ZBTB8B: variants seen among roughly 807,000 people sequenced by gnomAD.
The protein encoded by ZBTB8B is zinc finger and BTB domain-containing protein 8B.
In ZBTB8B, 17 loss-of-function variants were observed where a neutral mutation model predicts 30.3. That is an observed-to-expected ratio of 0.56 (90% confidence interval 0.38 to 0.84). ZBTB8B has a LOEUF of 0.84. Among genes scored for constraint, ZBTB8B ranks in the 40% least tolerant of loss-of-function variants. The probability of loss-of-function intolerance (pLI) is 0.00; values close to 1 mark genes in which losing one functional copy is unlikely to be tolerated. For missense variants in ZBTB8B, 515 were observed against 644.9 expected, an observed-to-expected ratio of 0.80 and a Z score of 2.18; for synonymous variants, 248 against 255.6, an observed-to-expected ratio of 0.97 and a Z score of 0.28.
chr1:32,466,744 C>T (rs549356025), intron 1 of ZBTB8B, among the ~76,000 whole-genome samples: 1 of 152,200 alleles, frequency 6.6e-6, no homozygotes, highest in South Asian at 2.1e-4. Context: ...GGAAAGGAGG[C>T]TTTTCCAGTG....
At chr1:32,483,773 T>G (rs896471751) in intron 3 of ZBTB8B, among the ~76,000 whole-genome samples, 1 of 151,024 alleles carries the variant, frequency 6.6e-6, no homozygotes, top group East Asian at 2.0e-4. Flanking sequence ...ATGTCAAAAA[T>G]CCTAATGAGA....
chr1:32,482,669 C>CAAA (rs1050028688), intron 3 of ZBTB8B, among the ~76,000 whole-genome samples: 49 of 40,052 alleles, frequency 1.2e-3, no homozygotes, highest in East Asian at 2.1e-3. Flanking sequence ...GACTCCGTGT[C>CAAA]AAAAAAAAAA....
chr1:32,480,490 G>A (rs569285555), intron 2 of ZBTB8B, among the ~76,000 whole-genome samples: 1 of 152,134 alleles, frequency 6.6e-6, no homozygotes, highest in African/African-American at 2.4e-5. Flanking sequence ...GTCCATAACA[G>A]AGTCTCACCC....
At chr1:32,466,621 AC>A (rs1643572499) in intron 1 of ZBTB8B, among the ~76,000 whole-genome samples, 1 of 152,218 alleles carries the variant, frequency 6.6e-6, no homozygotes, top group Admixed American at 6.5e-5. Context: ...TGAAGAAAAT[AC>A]TATACGGATA....
rs867363031 is a variant in ZBTB8B, at chr1:32,471,202, C to T, written c.578C>T (p.Pro193Leu). 4 of 1,551,794 alleles carry T rather than the reference C, an allele frequency of 2.6e-6. No homozygotes were observed. Among genetic ancestry groups the T allele is most frequent in the Non-Finnish European group, 2.6e-6 (3 of 1,147,038 alleles). The change falls in exon 2 of 4, where the codon CCT (proline) becomes CTT (leucine). Residue 193 changes from proline to leucine, a missense_variant. Pro to Leu is a moderately conservative substitution (Grantham distance 98). Around this residue, in one of 3 missense-constraint regions of ZBTB8B, gnomAD observed 429 missense variants for 504.3 expected, o/e 0.85. Coordinates refer to ENST00000609129, the MANE Select transcript of ZBTB8B (RefSeq NM_001145720.2). Reference protein sequence around the residue: ...EKSVECLRESPCGDCGDCHPL... With the variant: ...EKSVECLRESLCGDCGDCHPL... ...AGCGTGGAGTGCCTGAGAGAGTCCC[C>T]TTGCGGTGACTGCGGAGACTGCCAC...
In ZBTB8B at chr1:32,485,493, C is replaced by A; in HGVS notation, c.*75C>A. The A allele has an allele frequency of 7.0e-7, 1 of 1,425,228 alleles. No homozygotes were observed. 88.3% of individuals were successfully genotyped at this position (1,425,228 alleles called of 1,614,324 possible). ...CTGTTGTTGAAAGATACCATTTGTC[C>A]AATTTTGTGGAACCCTGAGAGGAAC... On this transcript the variant is annotated 3_prime_UTR_variant, in exon 4 of 4. Transcript: ENST00000609129.
rs986259508 is a variant in ZBTB8B, at chr1:32,495,732, G to A, written c.*10314G>A. On this transcript the variant is annotated 3_prime_UTR_variant, in exon 4 of 4. Coordinates refer to ENST00000609129, the MANE Select transcript of ZBTB8B (RefSeq NM_001145720.2). ...TAAAACAGTTTCTTTAGAATGAGTT[G>A]TTAGCTGGGTGTGGTAGTGTACACC... is the stretch of plus-strand genomic sequence containing the variant. 6.6e-6 allele frequency: 1 copy of A among 152,026 alleles called. No individual in the cohort carries two copies. Among genetic ancestry groups the A allele is most frequent in the African/African-American group, 2.4e-5 (1 of 41,376 alleles). The allele number at this position is 152,026 out of a possible 1,614,324, so 9.4% of individuals were successfully genotyped here. A position where few individuals can be genotyped will look rare whatever the true frequency, so the allele number is the denominator to read the frequency against.
chr1:32,472,789 G>A (rs985209396), intron 2 of ZBTB8B, among the ~76,000 whole-genome samples: 2 of 152,138 alleles, frequency 1.3e-5, no homozygotes, highest in African/African-American at 4.8e-5. Context: ...GCTAGTTTTT[G>A]TATTTTCAGT....
rs1204856385 is a variant in ZBTB8B at position 32,471,591 on chromosome 1, G to A, written c.967G>A (p.Ala323Thr). ...VAMSSMMDVQ[A>T]DWYGEDSGDV... Reference sequence around the variant, plus strand: ...CATGAGTTCCATGATGGATGTCCAGGCTGACTGGTATGGAGAGGACTCAGG... The same window carrying A: ...CATGAGTTCCATGATGGATGTCCAGACTGACTGGTATGGAGAGGACTCAGG... The change falls in exon 2 of 4, where the codon GCT becomes ACT. Residue 323 changes from alanine to threonine, a missense_variant. By Grantham distance (58) the Ala-to-Thr change is moderately conservative. Transcript: ENST00000609129. 6.4e-7 allele frequency: 1 copy of A among 1,551,562 alleles called. No homozygotes were observed. The highest frequency in any genetic ancestry group is 2.0e-5 in the Admixed American group (1 of 50,994).
chr1:32,478,304 G>C (rs1384896175), intron 2 of ZBTB8B, among the ~76,000 whole-genome samples: 1 of 151,944 alleles, frequency 6.6e-6, no homozygotes, highest in Non-Finnish European at 1.5e-5. Flanking sequence ...TTGAGGTCAG[G>C]AGTTCAAGAT....
rs1459685328 is a variant in ZBTB8B at position 32,489,174 on chromosome 1, G to C, written c.*3756G>C. 6.6e-6 allele frequency: 1 copy of C among 152,142 alleles called. No homozygotes were observed. Among genetic ancestry groups the C allele is most frequent in the Non-Finnish European group, 1.5e-5 (1 of 68,036 alleles). 9.4% of individuals were successfully genotyped at this position (152,142 alleles called of 1,614,324 possible). On this transcript the variant is annotated 3_prime_UTR_variant, in exon 4 of 4. Transcript: ENST00000609129. ...GTGGATTAGTAAAATGAAGCGCTGA[G>C]GCCAGATGGTTCATAGCTTGCCCAA...
chr1:32,466,644 C>T (rs904006413), intron 1 of ZBTB8B, among the ~76,000 whole-genome samples: 8 of 151,754 alleles, frequency 5.3e-5, no homozygotes, highest in South Asian at 2.1e-4. Flanking sequence ...ACTTTTGCAA[C>T]GTCAGGAAGT....
In ZBTB8B at chr1:32,469,649, A is replaced by G. The variant is rs188832142; in HGVS notation, c.-41-935A>G. ...TAGAGCATTGGCTCTGGAGGCCAAT[A>G]GACCTGATTTTGAGTCCCAGATCTG... On this transcript the variant is annotated intron_variant, in intron 1 of 3. Transcript: ENST00000609129. Among the ~76,000 whole-genome samples the G allele has an allele frequency of 3.8e-3, 575 of 152,308 alleles. 10 individuals are homozygous for G. The highest frequency in any genetic ancestry group is 6.3e-3 in the Admixed American group (97 of 15,304).
intron 1 of ZBTB8B, 101 bp from the exon 2 acceptor site, chr1:32,470,483 G>C (rs1373778190): frequency 3.4e-6 from 4 of 1,159,786 alleles, no homozygotes; most frequent in African/African-American, 2.0e-5. Context: ...CTGGGCAACA[G>C]AGCAAGACGC....
In ZBTB8B at chr1:32,485,172, G is replaced by A. The variant is rs1276263804; in HGVS notation, c.1242G>A (p.Gly414=). The change falls in exon 4 of 4, where the codon GGG becomes GGA. Residue 414 remains glycine (G), a synonymous_variant. Coordinates refer to ENST00000609129, the MANE Select transcript of ZBTB8B (RefSeq NM_001145720.2). ...RRTFTSHLSQ[G]LRRFGLCDSC... The stretch of plus-strand genomic sequence containing the variant: ...CATTCACGAGTCACCTGTCCCAGGG[G>A]CTGCGGCGCTTCGGGCTGTGTGACA... 3.2e-6 allele frequency: 5 copies of A among 1,552,024 alleles called. No homozygotes were observed. In the South Asian group the frequency reaches 3.6e-5, roughly 11 times the overall value.
In ZBTB8B at chr1:32,495,627, C is replaced by G. The variant is rs1216097221; in HGVS notation, c.*10209C>G. 1 of 152,212 alleles carries G rather than the reference C, an allele frequency of 6.6e-6. No homozygotes were observed. Among genetic ancestry groups the G allele is most frequent in the Non-Finnish European group, 1.5e-5 (1 of 68,038 alleles). The allele number at this position is 152,212 out of a possible 1,614,324, so 9.4% of individuals were successfully genotyped here. ...GTCCTCGGAAACAAATACAATTTAACTATTTTCTGTACCGTCCCAAATTTG... is the reference window on the plus strand; with the variant it reads ...GTCCTCGGAAACAAATACAATTTAAGTATTTTCTGTACCGTCCCAAATTTG... On this transcript the variant is annotated 3_prime_UTR_variant, in exon 4 of 4. Transcript: ENST00000609129.
chr1:32,491,976 C>T lies in ZBTB8B; in HGVS notation c.*6558C>T, dbSNP rs1426346942. On this transcript the variant is annotated 3_prime_UTR_variant, in exon 4 of 4. Transcript: ENST00000609129. Reference sequence around the variant, plus strand: ...ACACCTAATTCCTATAGAATATAGCCAGAGGAATTTCCTAGTAAAATATAA... The same window carrying T: ...ACACCTAATTCCTATAGAATATAGCTAGAGGAATTTCCTAGTAAAATATAA... 2.0e-5 allele frequency: 3 copies of T among 152,158 alleles called. No individual in the cohort carries two copies. Among genetic ancestry groups the T allele is most frequent in the African/African-American group, 7.2e-5 (3 of 41,432 alleles). 9.4% of individuals were successfully genotyped at this position (152,158 alleles called of 1,614,324 possible).
chr1:32,481,445 C>A (rs1570261137), intron 3 of ZBTB8B, among the ~76,000 whole-genome samples: 1 of 151,960 alleles, frequency 6.6e-6, no homozygotes, highest in Non-Finnish European at 1.5e-5. Flanking sequence ...CGAGCCCCAG[C>A]ACCTAGGGGT....
chr1:32,470,228 T>C (rs575015787), intron 1 of ZBTB8B, among the ~76,000 whole-genome samples: 1 of 151,970 alleles, frequency 6.6e-6, no homozygotes, highest in Non-Finnish European at 1.5e-5. Context: ...TGGCCGGGCG[T>C]GGTGGCTCAC....
Sources: gnomAD v4.1 joint callset for allele counts (sites outside exome capture counted in the v4.1 genomes callset) on GRCh38, gnomAD v4.1.1 for gene constraint, gnomAD v4.1.1 regional missense constraint, MANE v1.5 for transcripts, NCBI Gene and HGNC (gene_info 2026-07-23, HGNC 2026-07-21) for gene names.